Variants in LARP1B observed in about 807,000 individuals in gnomAD.
The protein encoded by LARP1B is la-related protein 1B.
In LARP1B, 76 loss-of-function variants were observed where a neutral mutation model predicts 114.2. The ratio of observed to expected loss-of-function variants is 0.67; its 90% CI spans 0.55 to 0.81. The LOEUF (loss-of-function observed/expected upper bound fraction) is 0.81. Among genes scored for constraint, LARP1B ranks in the 30% least tolerant of loss-of-function variants. The pLI is 0.00. For synonymous variants in LARP1B, 345 were observed against 348.0 expected (o/e 0.99, Z 0.10); for missense variants, 1,014 against 1,075.8 (o/e 0.94, Z 0.80).
intron 1 of LARP1B, among the ~76,000 whole-genome samples, chr4:128,072,923 G>T (rs760302606): frequency 6.6e-6 from 1 of 152,048 alleles, no homozygotes. Context: ...ATACAGCTTT[G>T]TCTGATTTCT....
At chr4:128,073,572 GTTTTTTTTTTTTTTTTTTTTTTT>G (rs568197117) in intron 1 of LARP1B, among the ~76,000 whole-genome samples, 11 of 40,004 alleles carry the variant, frequency 2.7e-4, no homozygotes, top group East Asian at 9.3e-4. Context: ...TATTGTTGTC[GTTTTTTTTTTTTTTTTTTTTTTT>G]TTTTTTTTTT....
At chr4:128,069,625 G>T in intron 1 of LARP1B, 1 of 651,522 alleles carries the variant, frequency 1.5e-6, no homozygotes. Context: ...TGGCTTACCT[G>T]ATGGCTGCTG....
chr4:128,166,547 A>T (rs926268778), intron 12 of LARP1B, among the ~76,000 whole-genome samples: 2 of 151,880 alleles, frequency 1.3e-5, no homozygotes, highest in African/African-American at 2.4e-5. Context: ...AAATGAACAT[A>T]TTCATTATCT....
intron 11 of LARP1B, among the ~76,000 whole-genome samples, chr4:128,132,419 AT>A (rs1791858817): frequency 6.6e-6 from 1 of 151,642 alleles, no homozygotes; most frequent in South Asian, 2.1e-4. Context: ...TAATTTTTGT[AT>A]TTTTTGGTAG....
intron 1 of LARP1B, among the ~76,000 whole-genome samples, chr4:128,062,667 G>T (rs530417038): frequency 6.8e-6 from 1 of 147,960 alleles, no homozygotes; most frequent in African/African-American, 2.5e-5. Flanking sequence ...GTGGAAGCGC[G>T]ATTGTAGTCT....
intron 11 of LARP1B, among the ~76,000 whole-genome samples, chr4:128,137,384 C>T (rs951399023): frequency 2.0e-5 from 3 of 152,156 alleles, no homozygotes; most frequent in African/African-American, 7.2e-5. Context: ...AATTCCAAAA[C>T]AGCAGTTCCT....
chr4:128,199,876 A>G (rs2150885178), intron 16 of LARP1B, among the ~76,000 whole-genome samples: 1 of 152,340 alleles, frequency 6.6e-6, no homozygotes, highest in Admixed American at 6.5e-5. Flanking sequence ...ACTTGAGGTC[A>G]GGAGTATGAG....
chr4:128,219,954 C>T (rs1443441617), intron 6 of LARP1B, among the ~76,000 whole-genome samples: 1 of 152,174 alleles, frequency 6.6e-6, no homozygotes, highest in Non-Finnish European at 1.5e-5. Flanking sequence ...GGCACGATCT[C>T]GGCTCACTGT....
At chr4:128,176,111 CAT>C (rs1207264473) in intron 12 of LARP1B, among the ~76,000 whole-genome samples, 9 of 142,044 alleles carry the variant, frequency 6.3e-5, no homozygotes, top group East Asian at 2.0e-4. Flanking sequence ...TATATACACA[CAT>C]ATATATACAC....
chr4:128,094,598 G>A (rs1225226992), intron 7 of LARP1B, among the ~76,000 whole-genome samples: 1 of 151,334 alleles, frequency 6.6e-6, no homozygotes, highest in Non-Finnish European at 1.5e-5. Flanking sequence ...GTAGAGACAG[G>A]GTTTTGCCAT....
intron 11 of LARP1B, among the ~76,000 whole-genome samples, chr4:128,155,222 C>T (rs1734925412): frequency 6.6e-6 from 1 of 152,182 alleles, no homozygotes; most frequent in Non-Finnish European, 1.5e-5. Flanking sequence ...GGTAGACTGG[C>T]TAATTCAGAT....
intron 4 of LARP1B, among the ~76,000 whole-genome samples, chr4:128,080,023 T>G (rs1335809727): frequency 6.6e-6 from 1 of 151,698 alleles, no homozygotes; most frequent in African/African-American, 2.4e-5. Flanking sequence ...TCGCTCTTGT[T>G]GCCACGCTGG....
chr4:128,180,164 A>T (rs1304061673), intron 15 of LARP1B, among the ~76,000 whole-genome samples: 2 of 152,138 alleles, frequency 1.3e-5, no homozygotes, highest in South Asian at 2.1e-4. Context: ...GTTACCTAGG[A>T]TGGTCTCAAA....
chr4:128,131,693 G>C (rs1475798804), intron 11 of LARP1B, among the ~76,000 whole-genome samples: 1 of 152,152 alleles, frequency 6.6e-6, no homozygotes, highest in Non-Finnish European at 1.5e-5. Context: ...ACTCCAGCCT[G>C]AGCAATCAAG....
At chr4:128,120,879 C>T (rs570075221) in intron 10 of LARP1B, among the ~76,000 whole-genome samples, 128 of 147,986 alleles carry the variant, frequency 8.6e-4, no homozygotes, top group Middle Eastern at 3.7e-3. Context: ...GGCGTGATCT[C>T]GGCTCACTGC....
chr4:128,108,790 G>A (rs1424115602), intron 9 of LARP1B: 4 of 984,988 alleles, frequency 4.1e-6, no homozygotes, highest in Non-Finnish European at 4.8e-6. Context: ...GGGTAAGTTA[G>A]ATAAAATAGC....
chr4:128,138,939 G>A lies in LARP1B; in HGVS notation c.1524+16751G>A, dbSNP rs572458317. Among the ~76,000 whole-genome samples, 220 of 152,236 alleles carry A rather than the reference G, an allele frequency of 1.4e-3. 2 individuals are homozygous for A. Among genetic ancestry groups the A allele is most frequent in the African/African-American group, 5.0e-3 (208 of 41,542 alleles). Reference sequence around the variant, plus strand: ...ACTTCACTCCAGCCCGGGTGACAGAGTGAGACTCTCAAAAAATAATAATAA... The same window carrying A: ...ACTTCACTCCAGCCCGGGTGACAGAATGAGACTCTCAAAAAATAATAATAA... On this transcript the variant is annotated intron_variant, in intron 11 of 19. Transcript: ENST00000326639.
intron 11 of LARP1B, among the ~76,000 whole-genome samples, chr4:128,138,105 C>T (rs1287781266): frequency 6.6e-6 from 1 of 151,836 alleles, no homozygotes; most frequent in Non-Finnish European, 1.5e-5. Flanking sequence ...TATAAACTCC[C>T]ATAAAAAATA....
intron 15 of LARP1B, among the ~76,000 whole-genome samples, chr4:128,192,043 CTGA>C (rs1752467469): frequency 6.6e-6 from 1 of 152,122 alleles, no homozygotes. Flanking sequence ...TGGGATATTG[CTGA>C]TGATAAGCTT....
Sources: allele counts gnomAD v4.1 joint callset (sites outside exome capture counted in the v4.1 genomes callset), GRCh38; gene constraint gnomAD v4.1.1; transcripts MANE v1.5; gene names NCBI Gene and HGNC (gene_info 2026-07-23, HGNC 2026-07-21).